The following NPM2 variants were observed in gnomAD, a reference collection of about 807,000 sequenced individuals.
NPM2 encodes the protein nucleoplasmin-2.
Under a neutral mutation model 32.0 loss-of-function variants are expected in NPM2, and 25 were observed. The ratio of observed to expected loss-of-function variants is 0.78; its 90% CI spans 0.57 to 1.09. The LOEUF (loss-of-function observed/expected upper bound fraction) is 1.09. Among genes scored for constraint, NPM2 ranks in the 50% least tolerant of loss-of-function variants. The pLI, the probability that NPM2 is intolerant of heterozygous loss-of-function variation, is 0.00. For synonymous variants in NPM2, 111 were observed against 94.2 expected (o/e 1.18, Z -1.04); for missense variants, 282 against 259.9 (o/e 1.08, Z -0.58).
intron 5 of NPM2, among the ~76,000 whole-genome samples, chr8:22,026,708 G>A (rs1023093813): frequency 5.9e-5 from 9 of 152,150 alleles, no homozygotes; most frequent in Admixed American, 3.3e-4. Context: ...GCCCGCCTTG[G>A]CCTCCCGAAG....
chr8:22,027,914 C>CT (rs1800309967), intron 5 of NPM2, among the ~76,000 whole-genome samples: 1 of 152,080 alleles, frequency 6.6e-6, no homozygotes, highest in African/African-American at 2.4e-5. Context: ...GCCAAATCCT[C>CT]TTTTTTCCCA....
At chr8:22,025,578 C>T (rs373093265) in intron 4 of NPM2, 57 bp downstream of exon 4, 8 of 1,613,330 alleles carry the variant, frequency 5.0e-6, no homozygotes, top group African/African-American at 4.0e-5. Flanking sequence ...CTGGTCCCAA[C>T]GGAGGGCTAT....
In NPM2 at chr8:22,033,235, C is replaced by T. The variant is rs1241055544; in HGVS notation, c.364+12C>T. 2.5e-6 allele frequency: 4 copies of T among 1,609,088 alleles called. No individual in the cohort carries two copies. The highest frequency in any genetic ancestry group is 2.2e-5 in the East Asian group (1 of 44,848). ...CCAGGAACGTTATGGTAAGTCAGAG[C>T]CTGCGATCAGGAAGGTCCGTGAGTA... is the stretch of plus-strand genomic sequence containing the variant. On this transcript the variant is annotated intron_variant, in intron 6 of 9. Coordinates refer to ENST00000518119, the MANE Select transcript of NPM2 (RefSeq NM_001286680.2).
chr8:22,036,810 A>G lies in NPM2; in HGVS notation c.*128A>G, dbSNP rs774305858. ...ACAGGGGTGTTGCGGGGGCAACATG[A>G]GAGCCCCTCACCCCCAACTCTCCAC... On this transcript the variant is annotated 3_prime_UTR_variant, in exon 10 of 10. Transcript: ENST00000518119. 1.8e-4 allele frequency: 159 copies of G among 906,454 alleles called. 1 individual carries two copies. Among genetic ancestry groups the G allele is most frequent in the Middle Eastern group, 1.7e-3 (5 of 2,904 alleles). The allele number at this position is 906,454 out of a possible 1,614,324, so 56.2% of individuals were successfully genotyped here.
Position 22,031,997 on chromosome 8 carries a change from T to G in NPM2, c.271-1133T>G, listed in dbSNP as rs113147201. On this transcript the variant is annotated intron_variant, in intron 5 of 9. Coordinates refer to ENST00000518119, the MANE Select transcript of NPM2 (RefSeq NM_001286680.2). ...TTCTAAGTGTCTCTGGCTGCAGAGT[T>G]TGTTTTCACTTATTACCTCCTGTTT... is the stretch of plus-strand genomic sequence containing the variant. Among the ~76,000 whole-genome samples the G allele has an allele frequency of 2.0e-4, 31 of 152,344 alleles. 1 individual carries two copies. Among genetic ancestry groups the G allele is most frequent in the African/African-American group, 5.3e-4 (22 of 41,576 alleles).
At chr8:22,028,341 ATTTTTTTTTTTTTTTT>A (rs36012479) in intron 5 of NPM2, among the ~76,000 whole-genome samples, 4 of 65,600 alleles carry the variant, frequency 6.1e-5, no homozygotes, top group African/African-American at 2.3e-4. Context: ...TGCCAAAAAG[ATTTTTTTTTTTTTTTT>A]TTTTTTTTTT....
At chr8:22,026,924 C>T (rs1171347415) in intron 5 of NPM2, among the ~76,000 whole-genome samples, 3 of 152,138 alleles carry the variant, frequency 2.0e-5, no homozygotes, top group African/African-American at 4.8e-5. Context: ...ATCTAAAACC[C>T]TCTGCTTTTA....
At chr8:22,035,439 A>C (rs1800588298) in intron 8 of NPM2, among the ~76,000 whole-genome samples, 1 of 152,064 alleles carries the variant, frequency 6.6e-6, no homozygotes, top group Admixed American at 6.5e-5. Flanking sequence ...ATGCATGGCT[A>C]ACTTTTAAGT....
intron 5 of NPM2, among the ~76,000 whole-genome samples, chr8:22,030,013 T>C (rs1800384882): frequency 6.6e-6 from 1 of 152,176 alleles, no homozygotes; most frequent in African/African-American, 2.4e-5. Context: ...GGAAAATTAT[T>C]GGTTGTTTTT....
intron 5 of NPM2, 52 bp from the exon 6 acceptor site, chr8:22,033,078 G>C: frequency 7.3e-7 from 1 of 1,360,908 alleles, no homozygotes; most frequent in Non-Finnish European, 1.1e-6. Flanking sequence ...GCTAGTCCCC[G>C]AGAGGTGCCA....
At chr8:22,033,872 C>G (rs1410793564) in intron 6 of NPM2, among the ~76,000 whole-genome samples, 2 of 152,196 alleles carry the variant, frequency 1.3e-5, no homozygotes, top group Non-Finnish European at 2.9e-5. Flanking sequence ...CCTCTTTCTA[C>G]CACCCCAGCC....
intron 8 of NPM2, 35 bp from the exon 9 acceptor site, chr8:22,036,458 C>T (rs776300918): frequency 6.3e-7 from 1 of 1,593,582 alleles, no homozygotes; most frequent in African/African-American, 1.3e-5. Context: ...TCCCTGACCC[C>T]AATCCCACTC....
At chr8:22,025,351 C>T in intron 3 of NPM2, 45 bp downstream of exon 3, 2 of 1,599,864 alleles carry the variant, frequency 1.3e-6, no homozygotes, top group South Asian at 1.1e-5. Flanking sequence ...GCCCCACCTC[C>T]GGTGCGCGGC....
chr8:22,025,244 G>A lies in NPM2; in HGVS notation c.-5G>A. On this transcript the variant is annotated 5_prime_UTR_variant, in exon 3 of 10. Coordinates refer to ENST00000518119, the MANE Select transcript of NPM2 (RefSeq NM_001286680.2). ...CCCGGCCAGCCCGCTTCTCTGCCCGGAGCCATGAATCTCAGTAGCGCCAGT... is the reference window on the plus strand; with the variant it reads ...CCCGGCCAGCCCGCTTCTCTGCCCGAAGCCATGAATCTCAGTAGCGCCAGT... The A allele has an allele frequency of 6.2e-7, 1 of 1,611,482 alleles. No individual in the cohort carries two copies. Among genetic ancestry groups the A allele is most frequent in the Non-Finnish European group, 8.5e-7 (1 of 1,179,288 alleles).
At chr8:22,027,998 A>T (rs1488498924) in intron 5 of NPM2, among the ~76,000 whole-genome samples, 1 of 152,022 alleles carries the variant, frequency 6.6e-6, no homozygotes, top group South Asian at 2.1e-4. Flanking sequence ...ACATCTCATC[A>T]TCTTCCCTGC....
At chr8:22,029,397 G>A (rs916982875) in intron 5 of NPM2, among the ~76,000 whole-genome samples, 6 of 152,140 alleles carry the variant, frequency 3.9e-5, no homozygotes, top group African/African-American at 1.4e-4. Context: ...TCCTGCCTTG[G>A]CCTCCCAAAG....
chr8:22,034,318 T>A (rs778851222), intron 7 of NPM2, 43 bp downstream of exon 7: 1 of 1,541,164 alleles, frequency 6.5e-7, no homozygotes, highest in South Asian at 1.3e-5. Flanking sequence ...GTGGTACCCC[T>A]ACAGAAGCAC....
intron 8 of NPM2, 129 bp downstream of exon 8, chr8:22,034,673 A>T (rs1800561254): frequency 1.4e-6 from 1 of 740,602 alleles, no homozygotes; most frequent in East Asian, 2.5e-5. Context: ...ACTCGCAGGC[A>T]CATGGGTATG....
intron 7 of NPM2, 66 bp from the exon 8 acceptor site, chr8:22,034,444 T>A (rs1800550784): frequency 6.7e-7 from 1 of 1,485,472 alleles, no homozygotes; most frequent in South Asian, 1.2e-5. Context: ...CTTGTGGACT[T>A]TGGGAATCTG....
Sources: allele counts gnomAD v4.1 joint callset (sites outside exome capture counted in the v4.1 genomes callset), GRCh38; gene constraint gnomAD v4.1.1; transcripts MANE v1.5; gene names NCBI Gene and HGNC (gene_info 2026-07-23, HGNC 2026-07-21).